The following GABRG3 variants were observed in gnomAD, a reference collection of about 807,000 sequenced individuals.
GABRG3 encodes the protein gamma-aminobutyric acid receptor subunit gamma-3.
GABRG3 carries 25 observed loss-of-function variants against 48.8 expected under a neutral mutation model. That is an observed-to-expected ratio of 0.51 (90% CI 0.37 to 0.72). GABRG3 has a LOEUF of 0.72. Among genes scored for constraint, GABRG3 ranks in the 30% least tolerant of loss-of-function variants. The pLI is 0.00. For synonymous variants in GABRG3, 227 were observed against 217.6 expected (o/e 1.04, Z -0.38); for missense variants, 394 against 577.9 (o/e 0.68, Z 3.26).
intron 3 of GABRG3, among the ~76,000 whole-genome samples, chr15:27,037,066 C>T (rs1896191699): frequency 6.6e-6 from 1 of 152,126 alleles, no homozygotes; most frequent in Non-Finnish European, 1.5e-5. Flanking sequence ...CCTCTATAAG[C>T]CAAGGAACAC....
At chr15:27,261,514 G>A (rs1595620405) in intron 3 of GABRG3, among the ~76,000 whole-genome samples, 1 of 149,850 alleles carries the variant, frequency 6.7e-6, no homozygotes, top group Non-Finnish European at 1.5e-5. Context: ...ACGTACTACA[G>A]TATTCATATA....
chr15:27,117,858 T>G (rs910656752), intron 3 of GABRG3, among the ~76,000 whole-genome samples: 5 of 152,196 alleles, frequency 3.3e-5, no homozygotes, highest in African/African-American at 1.2e-4. Flanking sequence ...TCTTCAAGAA[T>G]GCCCTCTAGA....
intron 1 of GABRG3, among the ~76,000 whole-genome samples, chr15:26,972,118 T>C (rs1026975739): frequency 2.6e-5 from 4 of 152,160 alleles, no homozygotes; most frequent in African/African-American, 7.2e-5. Flanking sequence ...CCTGCTTGTC[T>C]GGGAGGACTC....
chr15:27,527,816 G>T, intron 8 of GABRG3, 117 bp from the exon 9 acceptor site: 1 of 986,482 alleles, frequency 1.0e-6, no homozygotes, highest in Non-Finnish European at 1.5e-6. Flanking sequence ...CATCTCTGGT[G>T]TCACCTACCG....
intron 3 of GABRG3, among the ~76,000 whole-genome samples, chr15:27,274,653 C>T (rs1177582830): frequency 1.3e-5 from 2 of 152,104 alleles, no homozygotes; most frequent in South Asian, 2.1e-4. Context: ...ACCAACAAAC[C>T]ATATCCAAAC....
In GABRG3 at chr15:27,345,340, C is replaced by T. The variant is rs368590874; in HGVS notation, c.574+16452C>T. Among the ~76,000 whole-genome samples the T allele has an allele frequency of 1.2e-4, 19 of 152,282 alleles. No individual in the cohort carries two copies. In the East Asian group the frequency reaches 1.9e-3, roughly 15 times the overall value. ...TTCCATTTCAACTTCTCTCTTTGCA[C>T]ATCAGTTGTACTTCTTATAAAAATA... On this transcript the variant is annotated intron_variant, in intron 5 of 9. Coordinates refer to ENST00000615808, the MANE Select transcript of GABRG3 (RefSeq NM_033223.5).
chr15:27,308,002 T>C (rs781718446), intron 3 of GABRG3, among the ~76,000 whole-genome samples: 7 of 139,212 alleles, frequency 5.0e-5, no homozygotes, highest in Non-Finnish European at 1.1e-4. Context: ...TATACGTTTA[T>C]AATAAACGTA....
At chr15:27,378,990 G>T (rs969360901) in intron 5 of GABRG3, among the ~76,000 whole-genome samples, 1 of 152,130 alleles carries the variant, frequency 6.6e-6, no homozygotes, top group Non-Finnish European at 1.5e-5. Flanking sequence ...GCATAAGTTT[G>T]TGTATGAATG....
At chr15:27,501,778 CTT>C in intron 6 of GABRG3, among the ~76,000 whole-genome samples, 1 of 152,232 alleles carries the variant, frequency 6.6e-6, no homozygotes, top group South Asian at 2.1e-4. Context: ...GTGCAAGCAC[CTT>C]TGAACACTTA....
chr15:27,272,861 T>C (rs968997467), intron 3 of GABRG3, among the ~76,000 whole-genome samples: 1 of 152,264 alleles, frequency 6.6e-6, no homozygotes, highest in African/African-American at 2.4e-5. Flanking sequence ...AAAAGTGTTT[T>C]CACTAAAATA....
At chr15:27,243,992 GCAAATACTGGTT>G (rs1301040678) in intron 3 of GABRG3, among the ~76,000 whole-genome samples, 1 of 152,194 alleles carries the variant, frequency 6.6e-6, no homozygotes, top group Non-Finnish European at 1.5e-5. Context: ...TATAGGGTGT[GCAAATACTGGTT>G]CCTGGTCACT....
Position 27,536,765 on chromosome 15 carries a change from A to G in GABRG3, c.*3884A>G, listed in dbSNP as rs1051546125. 1 of 152,222 alleles carries G rather than the reference A, an allele frequency of 6.6e-6. No individual in the cohort carries two copies. Among genetic ancestry groups the G allele is most frequent in the Non-Finnish European group, 1.5e-5 (1 of 68,050 alleles). 9.4% of individuals were successfully genotyped at this position (152,222 alleles called of 1,614,324 possible). On this transcript the variant is annotated 3_prime_UTR_variant, in exon 10 of 10. Coordinates refer to ENST00000615808, the MANE Select transcript of GABRG3 (RefSeq NM_033223.5). The stretch of plus-strand genomic sequence containing the variant: ...GCATGTTGCTTCGTTGTTCTGCAAT[A>G]TAACCACACTCGAAGCAACAGGAGA...
At chr15:27,503,846 G>A (rs1890700524) in intron 6 of GABRG3, among the ~76,000 whole-genome samples, 1 of 152,064 alleles carries the variant, frequency 6.6e-6, no homozygotes, top group Non-Finnish European at 1.5e-5. Context: ...CATGAATTTG[G>A]AAGCTCTATT....
chr15:27,263,699 T>C (rs1890830116), intron 3 of GABRG3, among the ~76,000 whole-genome samples: 1 of 152,116 alleles, frequency 6.6e-6, no homozygotes, highest in African/African-American at 2.4e-5. Flanking sequence ...TGAATTCTTT[T>C]TATGTGTGGG....
intron 2 of GABRG3, among the ~76,000 whole-genome samples, chr15:26,989,167 C>T (rs571892473): frequency 2.0e-5 from 3 of 152,164 alleles, no homozygotes; most frequent in South Asian, 2.1e-4. Flanking sequence ...TAAATGGAAC[C>T]GTTAGAATAG....
chr15:27,259,131 C>T (rs887434696), intron 3 of GABRG3, among the ~76,000 whole-genome samples: 3 of 152,004 alleles, frequency 2.0e-5, no homozygotes, highest in Non-Finnish European at 2.9e-5. Flanking sequence ...TTTCTTTATT[C>T]GTCTGTTTGG....
chr15:27,232,360 G>A (rs145165017), intron 3 of GABRG3, among the ~76,000 whole-genome samples: 2,023 of 152,272 alleles, frequency 0.013, 19 homozygotes, highest in Middle Eastern at 0.027. Flanking sequence ...CTCTGCACGC[G>A]TCTGGTTTGA....
chr15:27,291,821 G>A (rs1315394401), intron 3 of GABRG3, among the ~76,000 whole-genome samples: 1 of 152,202 alleles, frequency 6.6e-6, no homozygotes, highest in African/African-American at 2.4e-5. Flanking sequence ...ATAGAGAGAA[G>A]AGCCTAGTGT....
rs1389543673 is a variant in GABRG3 at position 27,236,476 on chromosome 15, A to C, written c.271-90333A>C. Among the ~76,000 whole-genome samples, 1 of 152,192 alleles carries C rather than the reference A, an allele frequency of 6.6e-6. No individual in the cohort carries two copies. The highest frequency in any genetic ancestry group is 1.5e-5 in the Non-Finnish European group (1 of 68,020). On this transcript the variant is annotated intron_variant, in intron 3 of 9. Coordinates refer to ENST00000615808, the MANE Select transcript of GABRG3 (RefSeq NM_033223.5). This position sits in a 1 kb window ranked among gnomAD's most constrained non-coding sequence, Gnocchi z 4.4. ...GTGTACCCTTCCTCAGTAACCTTTC[A>C]CCAGAATTCTCTCTAAGCAGGAAGC...
Sources: gnomAD v4.1 joint callset for allele counts (sites outside exome capture counted in the v4.1 genomes callset) on GRCh38, gnomAD v4.1.1 for gene constraint, Gnocchi (gnomAD v3.1) non-coding constraint, MANE v1.5 for transcripts, NCBI Gene and HGNC (gene_info 2026-07-23, HGNC 2026-07-21) for gene names.